RBMS3: variants seen among roughly 807,000 people sequenced by gnomAD.
The protein encoded by RBMS3 is RNA-binding motif, single-stranded-interacting protein 3.
RBMS3 carries 27 observed loss-of-function variants against 66.8 expected under a neutral mutation model. That is an observed-to-expected ratio of 0.40 (90% CI 0.30 to 0.56). The LOEUF (loss-of-function observed/expected upper bound fraction) is 0.56, where lower values mean the gene tolerates loss of function less well. Among genes scored for constraint, RBMS3 ranks in the 20% least tolerant of loss-of-function variants. RBMS3 has a pLI of 0.40. For synonymous variants in RBMS3, 188 were observed against 183.0 expected (o/e 1.03, Z -0.22); for missense variants, 513 against 549.5 (o/e 0.93, Z 0.66).
intron 1 of RBMS3, among the ~76,000 whole-genome samples, chr3:29,349,431 C>T (rs2036773724): frequency 6.6e-6 from 1 of 152,154 alleles, no homozygotes; most frequent in Non-Finnish European, 1.5e-5. Flanking sequence ...TTACTTTGTC[C>T]TCTATGTTTC....
intron 1 of RBMS3, among the ~76,000 whole-genome samples, chr3:29,379,177 T>C (rs1300807074): frequency 6.6e-6 from 1 of 152,198 alleles, no homozygotes; most frequent in Non-Finnish European, 1.5e-5. Flanking sequence ...CAAGTCACAT[T>C]TTATAAGGGT....
chr3:29,586,501 G>T (rs974759716), intron 3 of RBMS3, among the ~76,000 whole-genome samples: 1 of 151,142 alleles, frequency 6.6e-6, no homozygotes, highest in Non-Finnish European at 1.5e-5. Context: ...AGATCTGTAC[G>T]AGTCAAAATA....
In RBMS3 at chr3:29,700,363, C is replaced by T. The variant is rs531439642; in HGVS notation, c.400-39357C>T. 7.9e-5 allele frequency among the ~76,000 whole-genome samples: 12 copies of T among 152,296 alleles called. No individual in the cohort carries two copies. The South Asian group carries it at 1.0e-3, about 13-fold the overall frequency. On this transcript the variant is annotated intron_variant, in intron 4 of 14. Coordinates refer to ENST00000383767, the MANE Select transcript of RBMS3 (RefSeq NM_001003793.3). The stretch of plus-strand genomic sequence containing the variant: ...TGCAGAATTAACGCCAAACTGTGTA[C>T]GGTCTGAATCCTTTCCATTGAGGCA...
chr3:29,408,033 G>A (rs1274110486), intron 1 of RBMS3, among the ~76,000 whole-genome samples: 1 of 152,070 alleles, frequency 6.6e-6, no homozygotes, highest in Non-Finnish European at 1.5e-5. Flanking sequence ...AGCACTTTGG[G>A]AGGCCGAGGT....
Position 29,706,130 on chromosome 3 carries a change from A to C in RBMS3, c.400-33590A>C, listed in dbSNP as rs965047693. ...TTGGTCCCTGGTAGAAAGGAAGCAT[A>C]TGCCATTAGGTGTAAGAACACTGCC... is the stretch of plus-strand genomic sequence containing the variant. On this transcript the variant is annotated intron_variant, in intron 4 of 14. Transcript: ENST00000383767. 4.6e-5 allele frequency among the ~76,000 whole-genome samples: 7 copies of C among 152,298 alleles called. No individual in the cohort carries two copies. In the East Asian group the frequency reaches 1.4e-3, roughly 29 times the overall value.
In RBMS3 at chr3:29,892,241, C is replaced by T. The variant is rs150302548; in HGVS notation, c.792-5138C>T. On this transcript the variant is annotated intron_variant, in intron 8 of 14. Coordinates refer to ENST00000383767, the MANE Select transcript of RBMS3 (RefSeq NM_001003793.3). The stretch of plus-strand genomic sequence containing the variant: ...TGTTTCAAAGGCTAGCTTAGACTTC[C>T]GTGGATCACACTTAGTTAACGTCTC... Among the ~76,000 whole-genome samples, 537 of 151,554 alleles carry T rather than the reference C, an allele frequency of 3.5e-3. 6 individuals carry two copies. Among genetic ancestry groups the T allele is most frequent in the African/African-American group, 0.01 (423 of 41,444 alleles).
At chr3:29,603,433 A>G (rs1367288071) in intron 4 of RBMS3, among the ~76,000 whole-genome samples, 1 of 152,004 alleles carries the variant, frequency 6.6e-6, no homozygotes, top group Non-Finnish European at 1.5e-5. Flanking sequence ...GCAATCTTTT[A>G]GAACACTGGT....
intron 4 of RBMS3, among the ~76,000 whole-genome samples, chr3:29,643,929 C>T (rs746525551): frequency 6.6e-6 from 1 of 152,154 alleles, no homozygotes. Context: ...TGAAAACCTC[C>T]GTTTAGGATA....
At chr3:29,964,125 T>C (rs1188817485) in intron 12 of RBMS3, among the ~76,000 whole-genome samples, 2 of 152,216 alleles carry the variant, frequency 1.3e-5, no homozygotes, top group African/African-American at 2.4e-5. Flanking sequence ...AACCCAGTTA[T>C]ATCAGATCTT....
At chr3:29,598,974 T>G (rs1234863435) in intron 4 of RBMS3, among the ~76,000 whole-genome samples, 1 of 152,004 alleles carries the variant, frequency 6.6e-6, no homozygotes, top group African/African-American at 2.4e-5. Context: ...ATAAAAATTG[T>G]GCAGTAACAG....
At chr3:29,747,733 G>A (rs1485929218) in intron 5 of RBMS3, among the ~76,000 whole-genome samples, 1 of 152,184 alleles carries the variant, frequency 6.6e-6, no homozygotes, top group African/African-American at 2.4e-5. Context: ...GGGTAGTATA[G>A]CCCTAGGTAG....
intron 1 of RBMS3, among the ~76,000 whole-genome samples, chr3:29,354,673 T>C (rs1405418452): frequency 6.6e-6 from 1 of 152,136 alleles, no homozygotes; most frequent in Admixed American, 6.6e-5. Context: ...TATATGATAC[T>C]ACTACTAAAC....
chr3:29,341,799 C>T (rs1362527825), intron 1 of RBMS3, among the ~76,000 whole-genome samples: 1 of 152,058 alleles, frequency 6.6e-6, no homozygotes, highest in African/African-American at 2.4e-5. Flanking sequence ...TTTTCACCTC[C>T]CACCATCTAA....
intron 6 of RBMS3, among the ~76,000 whole-genome samples, chr3:29,867,941 TA>T (rs1312014634): frequency 6.6e-6 from 1 of 152,146 alleles, no homozygotes; most frequent in African/African-American, 2.4e-5. Context: ...CCAGCCATAT[TA>T]ATGTATTAAA....
intron 1 of RBMS3, among the ~76,000 whole-genome samples, chr3:29,421,704 C>A (rs531713359): frequency 6.6e-6 from 1 of 152,290 alleles, no homozygotes; most frequent in Admixed American, 6.5e-5. Flanking sequence ...TGAGAGCATT[C>A]TAACTACTAT....
intron 4 of RBMS3, among the ~76,000 whole-genome samples, chr3:29,641,626 T>C (rs956075430): frequency 2.6e-5 from 4 of 152,134 alleles, no homozygotes; most frequent in Non-Finnish European, 5.9e-5. Context: ...TTTTAGCTTA[T>C]TTTATTGAGT....
chr3:29,614,537 A>G (rs1281576067), intron 4 of RBMS3: 1 of 152,146 alleles, frequency 6.6e-6, no homozygotes, highest in Non-Finnish European at 1.5e-5. Context: ...CCATTCCACA[A>G]TGTATACATA....
chr3:29,477,600 G>C (rs780328817), intron 2 of RBMS3, among the ~76,000 whole-genome samples: 19 of 151,864 alleles, frequency 1.3e-4, no homozygotes, highest in Non-Finnish European at 2.4e-4. Flanking sequence ...TACAATTAAT[G>C]ATCCAATTGC....
At chr3:29,625,942 T>G (rs1234459355) in intron 4 of RBMS3, among the ~76,000 whole-genome samples, 2 of 152,158 alleles carry the variant, frequency 1.3e-5, no homozygotes, top group African/African-American at 4.8e-5. Flanking sequence ...CCTGGGGATA[T>G]GCACCTCCTT....
Sources: allele counts gnomAD v4.1 joint callset (sites outside exome capture counted in the v4.1 genomes callset), GRCh38; gene constraint gnomAD v4.1.1; transcripts MANE v1.5; gene names NCBI Gene and HGNC (gene_info 2026-07-23, HGNC 2026-07-21).